Variants in SLC1A7 observed in about 807,000 individuals in gnomAD.
The protein encoded by SLC1A7 is solute carrier family 1 member 7.
SLC1A7 carries 40 observed loss-of-function variants against 47.7 expected under a neutral mutation model. The observed-to-expected ratio is 0.84, with a 90% CI of 0.65 to 1.09. The LOEUF (loss-of-function observed/expected upper bound fraction) is 1.09. Among genes scored for constraint, SLC1A7 ranks in the 50% least tolerant of loss-of-function variants. SLC1A7 has a pLI of 0.00. For missense variants in SLC1A7, 746 were observed against 769.5 expected, an observed-to-expected ratio of 0.97 and a Z score of 0.36; for synonymous variants, 323 against 325.6, an observed-to-expected ratio of 0.99 and a Z score of 0.09.
chr1:53,121,457 C>T (rs1644825076), intron 2 of SLC1A7, among the ~76,000 whole-genome samples: 1 of 152,216 alleles, frequency 6.6e-6, no homozygotes, highest in African/African-American at 2.4e-5. Context: ...GGACAAGGAG[C>T]TGAATGTCCT....
At chr1:53,142,270 ACG>A in intron 1 of SLC1A7, 43 bp downstream of exon 1, 1 of 1,540,084 alleles carries the variant, frequency 6.5e-7, no homozygotes, top group Non-Finnish European at 8.8e-7. Flanking sequence ...TCAGGCCCAC[ACG>A]CCCCTCCTGG....
chr1:53,089,652 C>T, intron 9 of SLC1A7, 148 bp downstream of exon 9: 1 of 783,726 alleles, frequency 1.3e-6, no homozygotes, highest in Non-Finnish European at 2.1e-6. Flanking sequence ...CAGGCCTGTG[C>T]TAATGAGTAG....
intron 5 of SLC1A7, among the ~76,000 whole-genome samples, chr1:53,101,896 CAT>C (rs1261654254): frequency 6.6e-6 from 1 of 151,556 alleles, no homozygotes; most frequent in Non-Finnish European, 1.5e-5. Context: ...GGTACACTCA[CAT>C]GTCCCACCTC....
chr1:53,093,582 C>A, intron 5 of SLC1A7, 22 bp from the exon 6 acceptor site: 1 of 1,571,890 alleles, frequency 6.4e-7, no homozygotes, highest in Admixed American at 1.8e-5. Flanking sequence ...GGACACAGTG[C>A]TGTGGTAAAG....
intron 5 of SLC1A7, among the ~76,000 whole-genome samples, chr1:53,101,955 A>G (rs1422169216): frequency 6.6e-6 from 1 of 152,118 alleles, no homozygotes; most frequent in Non-Finnish European, 1.5e-5. Context: ...GACCTGCCTC[A>G]GTACACTCAC....
At chr1:53,140,265 G>A (rs1439750228) in intron 1 of SLC1A7, among the ~76,000 whole-genome samples, 2 of 152,198 alleles carry the variant, frequency 1.3e-5, no homozygotes, top group African/African-American at 4.8e-5. Flanking sequence ...GGCAAAGTAG[G>A]CCCCAGATGA....
chr1:53,123,628 C>T (rs575337960), intron 2 of SLC1A7, among the ~76,000 whole-genome samples: 64 of 152,328 alleles, frequency 4.2e-4, no homozygotes, highest in African/African-American at 1.4e-3. Context: ...CTCCGGGCAT[C>T]GGGCTGGGCC....
chr1:53,136,646 T>C (rs1645001625), intron 1 of SLC1A7, among the ~76,000 whole-genome samples: 1 of 107,620 alleles, frequency 9.3e-6, no homozygotes, highest in South Asian at 2.8e-4. Context: ...TAAAAACATA[T>C]ATATATTATA....
Position 53,114,931 on chromosome 1 carries a change from G to T in SLC1A7, c.258C>A (p.Ser86Arg). The T allele has an allele frequency of 6.2e-7, 1 of 1,614,122 alleles. No individual in the cohort carries two copies. The highest frequency in any genetic ancestry group is 8.5e-7 in the Non-Finnish European group (1 of 1,180,026). ...ACGCCACGGTGAGGACGCCCAGGCG[G>T]CTAGAGGTCTTGGCATCCAGGGAGG... ...GLASLDAKTS[S>R]RLGVLTVAYY... The change falls in exon 3 of 11, where the codon AGC becomes AGA. Residue 86 changes from serine to arginine, a missense_variant. Physicochemically the swap from Ser to Arg is moderately radical, Grantham distance 110 (BLOSUM62 -1). Transcript: ENST00000371494.
intron 2 of SLC1A7, among the ~76,000 whole-genome samples, chr1:53,130,328 C>A (rs1644929748): frequency 6.6e-6 from 1 of 152,052 alleles, no homozygotes; most frequent in African/African-American, 2.4e-5. Flanking sequence ...TGCTGTGGGA[C>A]TAGTGGGTGA....
chr1:53,135,365 C>T (rs1022004385), intron 1 of SLC1A7, among the ~76,000 whole-genome samples: 9 of 152,224 alleles, frequency 5.9e-5, no homozygotes, highest in Admixed American at 3.9e-4. Flanking sequence ...GGCCGCCTTG[C>T]GAGTCAGTTT....
At chr1:53,095,380 G>A (rs1232056057) in intron 5 of SLC1A7, among the ~76,000 whole-genome samples, 1 of 152,024 alleles carries the variant, frequency 6.6e-6, no homozygotes, top group African/African-American at 2.4e-5. Flanking sequence ...ATAAAGGCAT[G>A]AGCATACACA....
chr1:53,097,750 C>T (rs1644514731), intron 5 of SLC1A7, among the ~76,000 whole-genome samples: 1 of 151,456 alleles, frequency 6.6e-6, no homozygotes, highest in African/African-American at 2.4e-5. Flanking sequence ...ACACACAGTG[C>T]CTTGGTACAC....
intron 3 of SLC1A7, among the ~76,000 whole-genome samples, chr1:53,111,513 C>T (rs1034937735): frequency 2.0e-5 from 3 of 151,958 alleles, no homozygotes; most frequent in Non-Finnish European, 2.9e-5. Flanking sequence ...CTGGAGTGGG[C>T]GGCAATGGCG....
At position 53,093,315 on chromosome 1, in the gene SLC1A7, AAC is replaced by A; in HGVS notation, c.797+144_797+145del. On this transcript the variant is annotated intron_variant, in intron 6 of 10. Coordinates refer to ENST00000371494, the MANE Select transcript of SLC1A7 (RefSeq NM_006671.6). Reference sequence around the variant, plus strand: ...TGGCTGGGGCTGGGGGACCCATGGAAACACATGTAGCTCCGGAGGCCCCGGCC... The same window carrying A: ...TGGCTGGGGCTGGGGGACCCATGGAAACATGTAGCTCCGGAGGCCCCGGCC... The A allele has an allele frequency of 6.0e-6, 4 of 667,190 alleles. No homozygotes were observed. The South Asian group carries it at 7.6e-5, about 13-fold the overall frequency. 41.3% of individuals were successfully genotyped at this position (667,190 alleles called of 1,614,324 possible). A position where few individuals can be genotyped will look rare whatever the true frequency, so the allele number is the denominator to read the frequency against.
intron 7 of SLC1A7, among the ~76,000 whole-genome samples, chr1:53,091,748 C>A (rs1197961953): frequency 1.3e-5 from 2 of 152,156 alleles, no homozygotes; most frequent in Non-Finnish European, 2.9e-5. Context: ...AAGAGTGAGG[C>A]CTTCAGTGCC....
At chr1:53,089,169 T>G (rs528151404) in intron 9 of SLC1A7, among the ~76,000 whole-genome samples, 190 bp from the exon 10 acceptor site, 1 of 152,376 alleles carries the variant, frequency 6.6e-6, no homozygotes, top group South Asian at 2.1e-4. Context: ...CATGCAGCTG[T>G]GGGTTCCACA....
intron 2 of SLC1A7, among the ~76,000 whole-genome samples, chr1:53,121,224 T>C (rs973477849): frequency 3.9e-5 from 6 of 152,156 alleles, no homozygotes; most frequent in African/African-American, 1.4e-4. Flanking sequence ...GGGTTGCTGA[T>C]GTGTGTGATG....
At chr1:53,127,127 G>A (rs1343826519) in intron 2 of SLC1A7, among the ~76,000 whole-genome samples, 1 of 117,606 alleles carries the variant, frequency 8.5e-6, no homozygotes, top group Non-Finnish European at 1.6e-5. Context: ...CATCTTTAAA[G>A]TTCAGCTCCT....
Sources: allele counts gnomAD v4.1 joint callset (sites outside exome capture counted in the v4.1 genomes callset), GRCh38; gene constraint gnomAD v4.1.1; transcripts MANE v1.5; gene names NCBI Gene and HGNC (gene_info 2026-07-23, HGNC 2026-07-21).